ARFIP1: variants seen among roughly 807,000 people sequenced by gnomAD.
The protein encoded by ARFIP1 is ARF interacting protein 1.
In ARFIP1, 24 loss-of-function variants were observed where a neutral mutation model predicts 42.5. The ratio of observed to expected loss-of-function variants is 0.57; its 90% CI spans 0.41 to 0.80. The LOEUF (loss-of-function observed/expected upper bound fraction) is 0.80. Among genes scored for constraint, ARFIP1 ranks in the 30% least tolerant of loss-of-function variants. ARFIP1 has a pLI of 0.00. For missense variants in ARFIP1, 354 were observed against 434.0 expected (o/e 0.82, Z 1.64); for synonymous variants, 141 against 153.7 (o/e 0.92, Z 0.61).
chr4:152,805,452 G>A (rs1388293050), intron 1 of ARFIP1, among the ~76,000 whole-genome samples: 1 of 152,218 alleles, frequency 6.6e-6, no homozygotes, highest in Non-Finnish European at 1.5e-5. Context: ...ACTGGATTTG[G>A]CAGTTTGCAC....
chr4:152,882,388 T>C (rs1017336943), intron 6 of ARFIP1, among the ~76,000 whole-genome samples: 24 of 152,204 alleles, frequency 1.6e-4, no homozygotes, highest in Non-Finnish European at 3.4e-4. Context: ...TGATTAATAA[T>C]CTGCTCTATT....
intron 1 of ARFIP1, among the ~76,000 whole-genome samples, chr4:152,829,263 A>C (rs147664613): frequency 1.3e-5 from 2 of 152,070 alleles, no homozygotes; most frequent in African/African-American, 4.8e-5. Context: ...TCTTCGCAGT[A>C]CTCCAGTTGG....
chr4:152,892,700 A>G (rs1384351120), intron 8 of ARFIP1, among the ~76,000 whole-genome samples: 1 of 152,216 alleles, frequency 6.6e-6, no homozygotes, highest in Non-Finnish European at 1.5e-5. Flanking sequence ...TGATAAATGC[A>G]CCTAAGGGTA....
At chr4:152,858,667 C>T (rs13102607) in intron 2 of ARFIP1, among the ~76,000 whole-genome samples, 26,564 of 152,144 alleles carry the variant, frequency 0.17, 2,465 homozygotes, top group African/African-American at 0.23. Context: ...TTTGATCCCC[C>T]TATATCTCAG....
chr4:152,847,124 C>CTTTTTTTTTTTTCTTTTTTTTTTT (rs1732605116), intron 2 of ARFIP1, among the ~76,000 whole-genome samples: 1 of 40,584 alleles, frequency 2.5e-5, no homozygotes, highest in Non-Finnish European at 4.5e-5. Context: ...TAGGTTTGTT[C>CTTTTTTTTTTTTCTTTTTTTTTTT]TTTTTTTTTT....
In ARFIP1 at chr4:152,804,348, T is replaced by C. The variant is rs181691148; in HGVS notation, c.-10+24122T>C. Among the ~76,000 whole-genome samples, 96 of 90,392 alleles carry C rather than the reference T, an allele frequency of 1.1e-3. 14 individuals are homozygous for C. Among genetic ancestry groups the C allele is most frequent in the Non-Finnish European group, 1.3e-3 (64 of 49,506 alleles). The allele number at this position is 90,392 out of a possible 152,430, so 59.3% of individuals were successfully genotyped here. A position where few individuals can be genotyped will look rare whatever the true frequency, so the allele number is the denominator to read the frequency against. On this transcript the variant is annotated intron_variant, in intron 1 of 8. Coordinates refer to ENST00000353617, the MANE Select transcript of ARFIP1 (RefSeq NM_001025595.3). ...TATTATATATATTTTATATATATAATATAACATGTATTATATATTATATAT... is the reference window on the plus strand; with the variant it reads ...TATTATATATATTTTATATATATAACATAACATGTATTATATATTATATAT...
intron 1 of ARFIP1, among the ~76,000 whole-genome samples, chr4:152,824,441 T>C (rs1730651674): frequency 6.6e-6 from 1 of 151,994 alleles, no homozygotes; most frequent in Non-Finnish European, 1.5e-5. Flanking sequence ...AAAACAAAAA[T>C]GGTATGATCA....
intron 1 of ARFIP1, among the ~76,000 whole-genome samples, chr4:152,814,372 A>T (rs1462398791): frequency 6.6e-6 from 1 of 151,860 alleles, no homozygotes; most frequent in East Asian, 1.9e-4. Context: ...GGGATTATAG[A>T]TATGAGCCAC....
intron 2 of ARFIP1, among the ~76,000 whole-genome samples, chr4:152,851,490 T>C (rs1245879906): frequency 6.6e-6 from 1 of 152,154 alleles, no homozygotes; most frequent in Non-Finnish European, 1.5e-5. Flanking sequence ...GTGTGAGAAA[T>C]GAGGCTAGAG....
intron 1 of ARFIP1, among the ~76,000 whole-genome samples, chr4:152,822,126 A>T (rs1730419751): frequency 6.6e-6 from 1 of 152,054 alleles, no homozygotes; most frequent in South Asian, 2.1e-4. Context: ...CAGAATGGAT[A>T]AAAAAATTGC....
intron 2 of ARFIP1, among the ~76,000 whole-genome samples, chr4:152,859,306 C>G (rs770188927): frequency 7.9e-5 from 12 of 152,218 alleles, no homozygotes; most frequent in Non-Finnish European, 1.8e-4. Flanking sequence ...AAGCGATCCT[C>G]TTGTCTCAAC....
intron 3 of ARFIP1, among the ~76,000 whole-genome samples, chr4:152,866,994 C>T (rs1448008193): frequency 2.0e-5 from 3 of 150,830 alleles, no homozygotes; most frequent in African/African-American, 4.9e-5. Context: ...CGGGCAGAGA[C>T]GCTCCTCACT....
intron 8 of ARFIP1, among the ~76,000 whole-genome samples, chr4:152,890,162 G>A (rs563897161): frequency 3.9e-5 from 6 of 151,976 alleles, no homozygotes; most frequent in South Asian, 4.1e-4. Context: ...TGAAACATAA[G>A]GTTCATGTGA....
intron 1 of ARFIP1, among the ~76,000 whole-genome samples, chr4:152,806,505 T>G (rs1323189535): frequency 6.6e-6 from 1 of 152,152 alleles, no homozygotes; most frequent in Non-Finnish European, 1.5e-5. Flanking sequence ...ATTTTTACCT[T>G]TTTTTCAAAA....
At chr4:152,825,160 T>A (rs766775812) in intron 1 of ARFIP1, among the ~76,000 whole-genome samples, 7 of 151,868 alleles carry the variant, frequency 4.6e-5, no homozygotes, top group Non-Finnish European at 1.0e-4. Context: ...GTGAAATTCC[T>A]ATCAAAATAT....
chr4:152,815,762 T>G lies in ARFIP1; in HGVS notation c.-9-13863T>G, dbSNP rs1197459285. On this transcript the variant is annotated intron_variant, in intron 1 of 8. Coordinates refer to ENST00000353617, the MANE Select transcript of ARFIP1 (RefSeq NM_001025595.3). ...TCTTTTTTTTTTTTTTTTTTTTTTT[T>G]GAGACGGAGTCTCGCTCTGTCGCCC... Among the ~76,000 whole-genome samples, 3 of 122,754 alleles carry G rather than the reference T, an allele frequency of 2.4e-5. No individual in the cohort carries two copies. In the East Asian group the frequency reaches 7.5e-4, roughly 31 times the overall value. 80.5% of individuals were successfully genotyped at this position (122,754 alleles called of 152,430 possible).
chr4:152,873,497 G>C (rs1462743143), intron 5 of ARFIP1, among the ~76,000 whole-genome samples: 2 of 152,186 alleles, frequency 1.3e-5, no homozygotes, highest in Non-Finnish European at 2.9e-5. Context: ...TTTAGCTCAT[G>C]AAAGTGTAGA....
intron 1 of ARFIP1, among the ~76,000 whole-genome samples, chr4:152,782,726 A>G (rs1026236555): frequency 6.6e-6 from 1 of 152,116 alleles, no homozygotes; most frequent in African/African-American, 2.4e-5. Context: ...TCCATTCTGT[A>G]TGAGATATTT....
At chr4:152,812,496 C>T (rs986118342) in intron 1 of ARFIP1, among the ~76,000 whole-genome samples, 1 of 152,216 alleles carries the variant, frequency 6.6e-6, no homozygotes, top group African/African-American at 2.4e-5. Flanking sequence ...CTGGCCTTCT[C>T]TTCCTTTTAA....
Sources: gnomAD v4.1 joint callset for allele counts (sites outside exome capture counted in the v4.1 genomes callset) on GRCh38, gnomAD v4.1.1 for gene constraint, MANE v1.5 for transcripts, NCBI Gene and HGNC (gene_info 2026-07-23, HGNC 2026-07-21) for gene names.